SNTB2: variants seen among roughly 807,000 people sequenced by gnomAD.
SNTB2 encodes the protein beta-2-syntrophin.
Under a neutral mutation model 46.2 loss-of-function variants are expected in SNTB2, and 34 were observed. The ratio of observed to expected loss-of-function variants is 0.74; its 90% CI spans 0.56 to 0.98. The LOEUF is 0.98. Among genes scored for constraint, SNTB2 ranks in the 50% least tolerant of loss-of-function variants. The pLI is 0.00. For missense variants in SNTB2, 603 were observed against 731.4 expected, an observed-to-expected ratio of 0.82 and a Z score of 2.02; for synonymous variants, 290 against 312.6, an observed-to-expected ratio of 0.93 and a Z score of 0.76.
chr16:69,292,407 TTA>T (rs1175384373), intron 5 of SNTB2, among the ~76,000 whole-genome samples: 1 of 12,474 alleles, frequency 8.0e-5, no homozygotes, highest in Non-Finnish European at 1.4e-4. Flanking sequence ...TATATATATA[TTA>T]TATATATATT....
chr16:69,214,843 ATTAAT>A (rs893148951), intron 1 of SNTB2, among the ~76,000 whole-genome samples: 2 of 149,816 alleles, frequency 1.3e-5, no homozygotes, highest in African/African-American at 4.9e-5. Context: ...TTATCTTAAT[ATTAAT>A]TTAATTTAAT....
intron 2 of SNTB2, among the ~76,000 whole-genome samples, chr16:69,247,070 TAAA>T: frequency 7.0e-6 from 1 of 143,092 alleles, no homozygotes; most frequent in Non-Finnish European, 1.5e-5. Context: ...ATATATATAT[TAAA>T]AAAAAAAAAG....
intron 1 of SNTB2, among the ~76,000 whole-genome samples, chr16:69,226,520 T>G (rs1301601160): frequency 6.6e-6 from 1 of 152,234 alleles, no homozygotes; most frequent in East Asian, 1.9e-4. Flanking sequence ...TTATGATAGA[T>G]AAGACTTCAT....
At chr16:69,280,757 T>C (rs545459893) in intron 4 of SNTB2, among the ~76,000 whole-genome samples, 14 of 152,308 alleles carry the variant, frequency 9.2e-5, no homozygotes, top group Admixed American at 8.5e-4. Context: ...ATCAGATATG[T>C]GTTTTGCAAA....
intron 1 of SNTB2, among the ~76,000 whole-genome samples, chr16:69,217,037 T>A (rs11075710): frequency 0.2 from 29,713 of 152,040 alleles, 3,308 homozygotes; most frequent in African/African-American, 0.28. Context: ...ATTTTTTTTT[T>A]AAAGTCTGGA....
intron 1 of SNTB2, among the ~76,000 whole-genome samples, chr16:69,224,631 A>T (rs192647909): frequency 2.6e-5 from 4 of 152,354 alleles, no homozygotes; most frequent in African/African-American, 9.6e-5. Context: ...TGATTACTAT[A>T]GTGTTTTAAT....
intron 5 of SNTB2, among the ~76,000 whole-genome samples, chr16:69,296,027 C>T (rs1259137657): frequency 2.0e-5 from 3 of 152,178 alleles, no homozygotes; most frequent in Admixed American, 1.3e-4. Flanking sequence ...TGCCTGTAAT[C>T]CCAGCATTTT....
At position 69,260,164 on chromosome 16, in the gene SNTB2, C is replaced by T. The variant is rs1279398530; in HGVS notation, c.909C>T (p.Leu303=). Residue 303 remains leucine, a synonymous_variant, in exon 3 of 7, where the codon CTC becomes CTT. Transcript: ENST00000336278. ...TCCACACCAACATAATGGCTCTCCT[C>T]CCACAGGTGTTGGCTGAACTCAACG... ...VAIHTNIMAL[L]PQVLAELNAM... 2.5e-6 allele frequency: 4 copies of T among 1,614,128 alleles called. No individual in the cohort carries two copies. Among genetic ancestry groups the T allele is most frequent in the Non-Finnish European group, 3.4e-6 (4 of 1,180,026 alleles).
Position 69,271,781 on chromosome 16 carries a change from T to C in SNTB2, c.1148+1496T>C, listed in dbSNP as rs549657463. ...TAGCTTTATTCTTTTTTAAAATGTG[T>C]GCACCTGGAAGCATGAAGCAGAAAT... On this transcript the variant is annotated intron_variant, in intron 4 of 6. Coordinates refer to ENST00000336278, the MANE Select transcript of SNTB2 (RefSeq NM_006750.4). Among the ~76,000 whole-genome samples, 3 of 152,348 alleles carry C rather than the reference T, an allele frequency of 2.0e-5. No homozygotes were observed. In the South Asian group the frequency reaches 6.2e-4, roughly 32 times the overall value.
chr16:69,279,514 C>CTTTTTTTTTT (rs1390120912), intron 4 of SNTB2, among the ~76,000 whole-genome samples: 2 of 103,454 alleles, frequency 1.9e-5, no homozygotes, highest in African/African-American at 7.7e-5. Context: ...GGTCCTTTGC[C>CTTTTTTTTTT]CTTTTTTTTT....
intron 1 of SNTB2, among the ~76,000 whole-genome samples, chr16:69,223,642 T>A (rs1400036127): frequency 1.3e-5 from 2 of 152,108 alleles, no homozygotes; most frequent in Admixed American, 6.6e-5. Flanking sequence ...TTTTGTTTTT[T>A]TTTTGAGACG....
chr16:69,232,543 C>T (rs1567403431), intron 1 of SNTB2, among the ~76,000 whole-genome samples: 2 of 95,742 alleles, frequency 2.1e-5, no homozygotes, highest in South Asian at 3.8e-4. Context: ...GACGGAGTCT[C>T]GCTCTGTTGC....
chr16:69,276,513 T>C (rs1413445248), intron 4 of SNTB2, among the ~76,000 whole-genome samples: 1 of 152,262 alleles, frequency 6.6e-6, no homozygotes, highest in East Asian at 1.9e-4. Context: ...GAATATCTAT[T>C]GCTTTCACCA....
At position 69,232,298 on chromosome 16, in the gene SNTB2, T is replaced by C. The variant is rs1265779843; in HGVS notation, c.581-13304T>C. Among the ~76,000 whole-genome samples the C allele has an allele frequency of 4.0e-5, 6 of 149,150 alleles. No individual in the cohort carries two copies. In the East Asian group the frequency reaches 1.0e-3, roughly 25 times the overall value. On this transcript the variant is annotated intron_variant, in intron 1 of 6. Transcript: ENST00000336278. Reference sequence around the variant, plus strand: ...TCAGCTCACTGCAACCTCTGCCTCCTAGGTTCACGCCATTCTCCTGCCTCA... The same window carrying C: ...TCAGCTCACTGCAACCTCTGCCTCCCAGGTTCACGCCATTCTCCTGCCTCA...
intron 6 of SNTB2, among the ~76,000 whole-genome samples, chr16:69,300,256 T>C (rs1041703753): frequency 6.6e-6 from 1 of 152,064 alleles, no homozygotes; most frequent in Non-Finnish European, 1.5e-5. Context: ...TTTTTCTTTT[T>C]TTTTTCTTTT....
chr16:69,245,099 G>A (rs1220110888), intron 1 of SNTB2, among the ~76,000 whole-genome samples: 2 of 152,216 alleles, frequency 1.3e-5, no homozygotes, highest in African/African-American at 2.4e-5. Flanking sequence ...AGTTTCTAAA[G>A]GTTGAATCAT....
At chr16:69,258,241 C>CT (rs902321446) in intron 2 of SNTB2, among the ~76,000 whole-genome samples, 7 of 150,910 alleles carry the variant, frequency 4.6e-5, no homozygotes, top group African/African-American at 7.3e-5. Flanking sequence ...ACACTAAAGG[C>CT]TTTTTTTTTC....
intron 5 of SNTB2, among the ~76,000 whole-genome samples, chr16:69,285,453 CTATT>C (rs56095766): frequency 0.067 from 8,688 of 130,510 alleles, 338 homozygotes; most frequent in African/African-American, 0.099. Flanking sequence ...CTTTGAGCTT[CTATT>C]TATTTATTTA....
chr16:69,221,161 A>G (rs79111588), intron 1 of SNTB2, among the ~76,000 whole-genome samples: 1 of 152,326 alleles, frequency 6.6e-6, no homozygotes, highest in African/African-American at 2.4e-5. Context: ...AAGGTTTAAA[A>G]CATTCAAAAC....
Sources: gnomAD v4.1 joint callset for allele counts (sites outside exome capture counted in the v4.1 genomes callset) on GRCh38, gnomAD v4.1.1 for gene constraint, MANE v1.5 for transcripts, NCBI Gene and HGNC (gene_info 2026-07-23, HGNC 2026-07-21) for gene names.